CREB5: variants seen among roughly 807,000 people sequenced by gnomAD.
The protein encoded by CREB5 is cAMP responsive element binding protein 5.
Under a neutral mutation model 57.1 loss-of-function variants are expected in CREB5, and 19 were observed. That is an observed-to-expected ratio of 0.33 (90% CI 0.23 to 0.49). The LOEUF (loss-of-function observed/expected upper bound fraction) is 0.49. Ranked by LOEUF, CREB5 falls within the 20% of genes least tolerant of loss-of-function variation. The pLI is 0.99. For synonymous variants in CREB5, 238 were observed against 238.3 expected, an observed-to-expected ratio of 1.00 and a Z score of 0.01; for missense variants, 579 against 671.6, an observed-to-expected ratio of 0.86 and a Z score of 1.52.
chr7:28,607,662 C>T (rs1181641438), intron 5 of CREB5, among the ~76,000 whole-genome samples: 3 of 151,622 alleles, frequency 2.0e-5, no homozygotes, highest in Non-Finnish European at 2.9e-5. Context: ...GGTTTAATGT[C>T]GTTTTATCTG....
At chr7:28,452,152 T>G (rs1334352680) in intron 1 of CREB5, among the ~76,000 whole-genome samples, 2 of 152,172 alleles carry the variant, frequency 1.3e-5, no homozygotes, top group Non-Finnish European at 2.9e-5. Flanking sequence ...CACTTTGTAG[T>G]TAGTCAAAGT....
chr7:28,661,504 A>G (rs1012405600), intron 5 of CREB5, among the ~76,000 whole-genome samples: 18 of 143,474 alleles, frequency 1.3e-4, no homozygotes, highest in African/African-American at 4.7e-4. Context: ...CTCATTCTGC[A>G]CAAAATCAAA....
At chr7:28,787,172 ACT>A (rs2128788306) in intron 7 of CREB5, among the ~76,000 whole-genome samples, 1 of 151,630 alleles carries the variant, frequency 6.6e-6, no homozygotes, top group Non-Finnish European at 1.5e-5. Flanking sequence ...GGTTTAACTA[ACT>A]CTGCCCCTCC....
intron 3 of CREB5, among the ~76,000 whole-genome samples, chr7:28,503,011 T>C (rs983343405): frequency 6.6e-6 from 1 of 152,252 alleles, no homozygotes; most frequent in African/African-American, 2.4e-5. Flanking sequence ...TAGTTTTACT[T>C]TGGAATAATT....
At chr7:28,675,008 G>T (rs941656194) in intron 5 of CREB5, among the ~76,000 whole-genome samples, 1 of 151,872 alleles carries the variant, frequency 6.6e-6, no homozygotes, top group East Asian at 1.9e-4. Context: ...TTTCCTTCCT[G>T]CCTTAGGGCA....
intron 4 of CREB5, among the ~76,000 whole-genome samples, chr7:28,531,405 A>G (rs1445709922): frequency 2.6e-5 from 4 of 152,134 alleles, no homozygotes; most frequent in African/African-American, 7.2e-5. Context: ...TTGTAGATGC[A>G]TCACTCCAGT....
chr7:28,361,328 A>C (rs1786475005), intron 1 of CREB5, among the ~76,000 whole-genome samples: 1 of 152,108 alleles, frequency 6.6e-6, no homozygotes, highest in African/African-American at 2.4e-5. Context: ...TCCTAATTTT[A>C]CATGAGTCAA....
At chr7:28,481,683 G>T (rs986220039) in intron 1 of CREB5, among the ~76,000 whole-genome samples, 33 of 152,132 alleles carry the variant, frequency 2.2e-4, no homozygotes, top group African/African-American at 7.2e-4. Flanking sequence ...GAATAACACT[G>T]CAACAGGAAA....
chr7:28,560,907 T>C lies in CREB5; in HGVS notation c.292-9458T>C, dbSNP rs13245585. Among the ~76,000 whole-genome samples, 117 of 42,714 alleles carry C rather than the reference T, an allele frequency of 2.7e-3. 6 individuals are homozygous for C. The highest frequency in any genetic ancestry group is 7.8e-3 in the East Asian group (4 of 512). 28.0% of individuals were successfully genotyped at this position (42,714 alleles called of 152,430 possible). A position where few individuals can be genotyped will look rare whatever the true frequency, so the allele number is the denominator to read the frequency against. ...GCGTGCGTGTGTGTGCGTGCGCGCG[T>C]GCGTGTGCGTGTGTGCGCGTGCGTG... On this transcript the variant is annotated intron_variant, in intron 4 of 10. Transcript: ENST00000357727.
At chr7:28,540,365 G>A (rs1562784270) in intron 4 of CREB5, among the ~76,000 whole-genome samples, 1 of 152,130 alleles carries the variant, frequency 6.6e-6, no homozygotes. Flanking sequence ...TATTAGATTG[G>A]CTCCTAAGAA....
At chr7:28,789,066 C>A in intron 7 of CREB5, among the ~76,000 whole-genome samples, 1 of 152,052 alleles carries the variant, frequency 6.6e-6, no homozygotes, top group East Asian at 1.9e-4. Context: ...TTCTGATGTG[C>A]CTGAAGAGTA....
chr7:28,808,535 ATTTGTT>A (rs986030122), intron 8 of CREB5, among the ~76,000 whole-genome samples: 19 of 151,752 alleles, frequency 1.3e-4, no homozygotes, highest in African/African-American at 3.9e-4. Context: ...AAAGTTGTTC[ATTTGTT>A]TTTGTTTTTG....
intron 7 of CREB5, among the ~76,000 whole-genome samples, chr7:28,797,101 A>C (rs534904545): frequency 1.8e-4 from 28 of 152,338 alleles, no homozygotes; most frequent in Admixed American, 1.2e-3. Flanking sequence ...TATGATTTAG[A>C]TATTAATATG....
At position 28,657,594 on chromosome 7, in the gene CREB5, G is replaced by GA. The variant is rs1799380650; in HGVS notation, c.465-61159_465-61158insA. Among the ~76,000 whole-genome samples the GA allele has an allele frequency of 9.2e-5, 14 of 151,934 alleles. 1 individual carries two copies. In the South Asian group the frequency reaches 2.9e-3, roughly 32 times the overall value. On this transcript the variant is annotated intron_variant, in intron 5 of 10. Coordinates refer to ENST00000357727, the MANE Select transcript of CREB5 (RefSeq NM_182898.4). ...CAATACAAAAATTAGCCAGGTGCCT[G>GA]CAGACCTGGCTACTTGTGCAGCGGA...
At chr7:28,744,639 T>A (rs894713474) in intron 7 of CREB5, among the ~76,000 whole-genome samples, 1 of 152,088 alleles carries the variant, frequency 6.6e-6, no homozygotes. Flanking sequence ...TGAGCCACCA[T>A]GCCCGGCCCC....
chr7:28,475,761 C>G (rs1234111410), intron 1 of CREB5, among the ~76,000 whole-genome samples: 1 of 152,086 alleles, frequency 6.6e-6, no homozygotes, highest in African/African-American at 2.4e-5. Context: ...ATTGCAGGGA[C>G]AGGGTAGCCA....
intron 5 of CREB5, among the ~76,000 whole-genome samples, chr7:28,698,875 A>G (rs886422091): frequency 1.3e-5 from 2 of 152,186 alleles, no homozygotes; most frequent in African/African-American, 4.8e-5. Context: ...TCCCGGGACT[A>G]ATTATCTTAT....
At chr7:28,305,741 A>T (rs1171504008) in intron 1 of CREB5, among the ~76,000 whole-genome samples, 4 of 140,198 alleles carry the variant, frequency 2.9e-5, no homozygotes, top group Admixed American at 7.1e-5. Context: ...TTTAAACTTC[A>T]TTATTTCATT....
chr7:28,355,495 G>T (rs1246996329), intron 1 of CREB5, among the ~76,000 whole-genome samples: 2 of 152,168 alleles, frequency 1.3e-5, no homozygotes, highest in African/African-American at 4.8e-5. Context: ...TTTCCTTCAA[G>T]CAATTTATGT....
Sources: gnomAD v4.1 joint callset for allele counts (sites outside exome capture counted in the v4.1 genomes callset) on GRCh38, gnomAD v4.1.1 for gene constraint, MANE v1.5 for transcripts, NCBI Gene and HGNC (gene_info 2026-07-23, HGNC 2026-07-21) for gene names.